MAP3K5: variants seen among roughly 807,000 people sequenced by gnomAD.
MAP3K5 encodes ASK-1.
MAP3K5 carries 56 observed loss-of-function variants against 158.7 expected under a neutral mutation model. The observed-to-expected ratio is 0.35, with a 90% CI of 0.28 to 0.44. The LOEUF (loss-of-function observed/expected upper bound fraction) is 0.44, where lower values mean the gene tolerates loss of function less well. MAP3K5 is among the 20% of genes least tolerant of loss of function. The probability of loss-of-function intolerance (pLI) is 1.00; values close to 1 mark genes in which losing one functional copy is unlikely to be tolerated. For synonymous variants in MAP3K5, 579 were observed against 601.7 expected, an observed-to-expected ratio of 0.96 and a Z score of 0.55; for missense variants, 1,294 against 1,674.8, an observed-to-expected ratio of 0.77 and a Z score of 3.97.
In MAP3K5 at chr6:136,784,444, C is replaced by T. The variant is rs113573984; in HGVS notation, c.448+7266G>A. On this transcript the variant is annotated intron_variant, in intron 1 of 29. Transcript: ENST00000359015. ...AGCAGCAGTGCTGTCAGTTTGTGTG[C>T]GGTGGGTGGCAGCTGCTACAATGGT... Among the ~76,000 whole-genome samples, 847 of 152,234 alleles carry T rather than the reference C, an allele frequency of 5.6e-3. 7 individuals are homozygous for T. Among genetic ancestry groups the T allele is most frequent in the African/African-American group, 0.019 (795 of 41,530 alleles).
chr6:136,708,369 C>A (rs979804628), intron 2 of MAP3K5, among the ~76,000 whole-genome samples: 1 of 152,082 alleles, frequency 6.6e-6, no homozygotes, highest in South Asian at 2.1e-4. Flanking sequence ...AATCCTCCCA[C>A]CTCAGCCTCC....
rs188289041 is a variant in MAP3K5, at chr6:136,778,007, C to A, written c.448+13703G>T. ...TTTTCACAAGCTGAAAAGATTAATA[C>A]AAAGGACTTCAAATTCCACTACTAG... On this transcript the variant is annotated intron_variant, in intron 1 of 29. Coordinates refer to ENST00000359015, the MANE Select transcript of MAP3K5 (RefSeq NM_005923.4). 6.6e-5 allele frequency among the ~76,000 whole-genome samples: 10 copies of A among 152,246 alleles called. No individual in the cohort carries two copies. In the East Asian group the frequency reaches 1.3e-3, roughly 21 times the overall value.
At chr6:136,599,168 A>G (rs79999699) in intron 21 of MAP3K5, among the ~76,000 whole-genome samples, 165 of 121,668 alleles carry the variant, frequency 1.4e-3, no homozygotes, top group Middle Eastern at 4.4e-3. Flanking sequence ...CAAAAAAAAA[A>G]GGGGGGGGGG....
intron 9 of MAP3K5, 42 bp downstream of exon 9, chr6:136,659,177 G>T: frequency 6.8e-7 from 1 of 1,474,078 alleles, no homozygotes; most frequent in Non-Finnish European, 9.4e-7. Flanking sequence ...ACAATATGGA[G>T]CTGTTTATTA....
chr6:136,590,141 CCCACTG>C (rs1775319256), intron 23 of MAP3K5, among the ~76,000 whole-genome samples: 1 of 152,152 alleles, frequency 6.6e-6, no homozygotes, highest in Non-Finnish European at 1.5e-5. Flanking sequence ...CCACTCAAGC[CCCACTG>C]CCTTTCTACT....
At chr6:136,731,365 G>T (rs1023274886) in intron 1 of MAP3K5, among the ~76,000 whole-genome samples, 2 of 152,144 alleles carry the variant, frequency 1.3e-5, no homozygotes, top group South Asian at 2.1e-4. Context: ...AGTTCTAGAG[G>T]CCAGAAGTCC....
intron 26 of MAP3K5, among the ~76,000 whole-genome samples, chr6:136,563,091 A>G (rs922876249): frequency 2.0e-5 from 3 of 152,142 alleles, no homozygotes; most frequent in Non-Finnish European, 4.4e-5. Context: ...GACTGTATTT[A>G]TAATGAGCTC....
chr6:136,792,525 A>T, upstream of MAP3K5: 1 of 271,274 alleles, frequency 3.7e-6, no homozygotes. The surrounding 1 kb of genome is among the most constrained non-coding windows in gnomAD (Gnocchi z 5.7). Flanking sequence ...CTCGGGGTGC[A>T]GCCCGCCCTC....
At chr6:136,690,716 C>T (rs1780348107) in intron 7 of MAP3K5, among the ~76,000 whole-genome samples, 1 of 151,936 alleles carries the variant, frequency 6.6e-6, no homozygotes, top group Non-Finnish European at 1.5e-5. Context: ...AATACATATC[C>T]TATATTGGTT....
At chr6:136,741,419 C>G (rs1025308556) in intron 1 of MAP3K5, among the ~76,000 whole-genome samples, 1 of 151,788 alleles carries the variant, frequency 6.6e-6, no homozygotes, top group African/African-American at 2.4e-5. Flanking sequence ...ACAACCACTT[C>G]TAATTGCTAA....
rs79689113 is a variant in MAP3K5, at chr6:136,567,591, T to C, written c.3761+40A>G. 510 of 1,563,460 alleles carry C rather than the reference T, an allele frequency of 3.3e-4. No homozygotes were observed. The African/African-American group carries it at 6.1e-3, about 19-fold the overall frequency. The stretch of plus-strand genomic sequence containing the variant: ...AAAAACACATGCTCTTTAGTAAAAG[T>C]AAAAGAAAAGAAACCAACCCACGTC... On this transcript the variant is annotated intron_variant, in intron 26 of 29. Coordinates refer to ENST00000359015, the MANE Select transcript of MAP3K5 (RefSeq NM_005923.4).
At chr6:136,777,986 C>T (rs11154886) in intron 1 of MAP3K5, among the ~76,000 whole-genome samples, 78,057 of 151,852 alleles carry the variant, frequency 0.51, 20,866 homozygotes, top group Admixed American at 0.61. Context: ...TAGATTTTTT[C>T]ACAAGCTGAA....
intron 7 of MAP3K5, among the ~76,000 whole-genome samples, chr6:136,675,175 C>T (rs1779653700): frequency 6.6e-6 from 1 of 151,748 alleles, no homozygotes; most frequent in African/African-American, 2.4e-5. Flanking sequence ...AATAGCATGG[C>T]TTCAAAACAT....
chr6:136,698,697 G>A lies in MAP3K5; in HGVS notation c.613-15C>T. On this transcript the variant is annotated splice_polypyrimidine_tract_variant and intron_variant, in intron 3 of 29. Transcript: ENST00000359015. ...CCAGTGCACATCTGCGGAGAGAGGAGGCATCGGCAAGTGGGGAGCTGGCCT... is the reference window on the plus strand; with the variant it reads ...CCAGTGCACATCTGCGGAGAGAGGAAGCATCGGCAAGTGGGGAGCTGGCCT... The A allele has an allele frequency of 1.9e-6, 3 of 1,597,956 alleles. No individual in the cohort carries two copies. Among genetic ancestry groups the A allele is most frequent in the Non-Finnish European group, 2.6e-6 (3 of 1,167,536 alleles).
At chr6:136,684,459 T>C (rs1174840127) in intron 7 of MAP3K5, among the ~76,000 whole-genome samples, 2 of 152,104 alleles carry the variant, frequency 1.3e-5, no homozygotes, top group African/African-American at 4.8e-5. Context: ...CTTTTTAGAT[T>C]TGCTTAAAAA....
chr6:136,623,956 G>T (rs1776920869), intron 14 of MAP3K5, among the ~76,000 whole-genome samples: 2 of 152,206 alleles, frequency 1.3e-5, no homozygotes, highest in Non-Finnish European at 2.9e-5. Flanking sequence ...CACTTTGGAA[G>T]GCTGAGGCAG....
intron 18 of MAP3K5, among the ~76,000 whole-genome samples, chr6:136,608,050 T>C (rs1459725765): frequency 2.0e-5 from 3 of 152,054 alleles, no homozygotes; most frequent in South Asian, 2.1e-4. Context: ...AAGTTACCCA[T>C]GCAGACAGCT....
intron 11 of MAP3K5, among the ~76,000 whole-genome samples, chr6:136,649,772 T>C (rs1778435322): frequency 6.6e-6 from 1 of 152,254 alleles, no homozygotes; most frequent in Non-Finnish European, 1.5e-5. Flanking sequence ...GAACATCTAT[T>C]ATATGCCAGG....
At chr6:136,757,326 C>G (rs1009040339) in intron 1 of MAP3K5, among the ~76,000 whole-genome samples, 3 of 152,182 alleles carry the variant, frequency 2.0e-5, no homozygotes, top group Non-Finnish European at 2.9e-5. Context: ...AACAGCATCT[C>G]AGTTTCAACA....
Sources: allele counts gnomAD v4.1 joint callset (sites outside exome capture counted in the v4.1 genomes callset), GRCh38; gene constraint gnomAD v4.1.1; non-coding constraint Gnocchi (gnomAD v3.1); transcripts MANE v1.5; gene names NCBI Gene and HGNC (gene_info 2026-07-23, HGNC 2026-07-21).